The following STX8 variants were observed in gnomAD, a reference collection of about 807,000 sequenced individuals.
STX8 encodes the protein syntaxin-8.
A neutral mutation model predicts 37.5 loss-of-function variants in STX8; 23 were observed. The observed-to-expected ratio is 0.61, with a 90% CI of 0.44 to 0.87. The LOEUF (loss-of-function observed/expected upper bound fraction) is 0.87. Ranked by LOEUF, STX8 falls within the 40% of genes least tolerant of loss-of-function variation. STX8 has a pLI of 0.00. For missense variants in STX8, 313 were observed against 284.7 expected (o/e 1.10, Z -0.71); for synonymous variants, 115 against 99.1 (o/e 1.16, Z -0.95).
intron 7 of STX8, among the ~76,000 whole-genome samples, chr17:9,324,288 G>T (rs1431234910): frequency 6.6e-6 from 1 of 152,164 alleles, no homozygotes; most frequent in Non-Finnish European, 1.5e-5. Context: ...CTGCAGTGCA[G>T]TTCTTGGAAG....
chr17:9,286,372 C>T (rs1908071788), intron 7 of STX8, among the ~76,000 whole-genome samples: 1 of 152,180 alleles, frequency 6.6e-6, no homozygotes, highest in Admixed American at 6.5e-5. Flanking sequence ...GGAGACAACA[C>T]TGTCTGTTAT....
At chr17:9,335,216 T>C (rs1250399158) in intron 7 of STX8, among the ~76,000 whole-genome samples, 1 of 152,184 alleles carries the variant, frequency 6.6e-6, no homozygotes, top group East Asian at 1.9e-4. Context: ...GTTACCTGCG[T>C]CAGGAATAAA....
intron 2 of STX8, among the ~76,000 whole-genome samples, chr17:9,562,816 A>G (rs8078474): frequency 0.76 from 115,576 of 152,034 alleles, 45,008 homozygotes; most frequent in East Asian, 0.98. Context: ...GGGTGGCAAG[A>G]GTGACAACCC....
chr17:9,284,246 C>G (rs892927043), intron 7 of STX8, among the ~76,000 whole-genome samples: 1 of 152,184 alleles, frequency 6.6e-6, no homozygotes, highest in African/African-American at 2.4e-5. Context: ...CAGATATGTA[C>G]AATTGTATGG....
At chr17:9,556,136 T>C (rs560994664) in intron 3 of STX8, among the ~76,000 whole-genome samples, 4 of 152,214 alleles carry the variant, frequency 2.6e-5, no homozygotes, top group Non-Finnish European at 5.9e-5. Context: ...TAGAAAACCA[T>C]GCAACTAAGC....
chr17:9,268,698 A>G (rs1405557297), intron 7 of STX8, among the ~76,000 whole-genome samples: 1 of 152,224 alleles, frequency 6.6e-6, no homozygotes, highest in Non-Finnish European at 1.5e-5. Context: ...GTAAAAACTC[A>G]GAGCCAGAAC....
intron 7 of STX8, among the ~76,000 whole-genome samples, chr17:9,359,405 C>T (rs1028653308): frequency 1.3e-5 from 2 of 151,908 alleles, no homozygotes; most frequent in African/African-American, 4.8e-5. Context: ...GAATAGAGAG[C>T]CTGAAATCCC....
intron 6 of STX8, among the ~76,000 whole-genome samples, chr17:9,434,011 C>CTT (rs11340373): frequency 6.6e-6 from 1 of 150,572 alleles, no homozygotes; most frequent in Non-Finnish European, 1.5e-5. Flanking sequence ...ATGTCAGGAT[C>CTT]TTTTTTTTTT....
intron 4 of STX8, among the ~76,000 whole-genome samples, chr17:9,531,940 C>T (rs952545602): frequency 4.6e-5 from 7 of 152,060 alleles, no homozygotes; most frequent in Non-Finnish European, 7.4e-5. Context: ...CTGCTAACCA[C>T]GTGTGGACAG....
rs889172860 is a variant in STX8 at position 9,535,186 on chromosome 17, G to A, written c.323+9986C>T. Among the ~76,000 whole-genome samples the A allele has an allele frequency of 1.8e-4, 28 of 151,852 alleles. 1 individual carries two copies. The highest frequency in any genetic ancestry group is 6.6e-5 in the Admixed American group (1 of 15,244). ...TTCTTTATAACCTTGGTTCACTATA[G>A]TTATATATAATAATTACATAAAACT... On this transcript the variant is annotated intron_variant, in intron 4 of 7. Coordinates refer to ENST00000306357, the MANE Select transcript of STX8 (RefSeq NM_004853.3).
chr17:9,517,224 T>C (rs1371023684), intron 4 of STX8, among the ~76,000 whole-genome samples: 1 of 152,166 alleles, frequency 6.6e-6, no homozygotes, highest in Non-Finnish European at 1.5e-5. Context: ...CATTATGCAT[T>C]TGTTTGTTTT....
At chr17:9,308,089 GGGAAAAT>G (rs1408743819) in intron 7 of STX8, among the ~76,000 whole-genome samples, 2 of 152,164 alleles carry the variant, frequency 1.3e-5, no homozygotes, top group African/African-American at 4.8e-5. Context: ...AAGACCCAAG[GGGAAAAT>G]GTCCATTTTT....
At chr17:9,406,619 T>C (rs895858104) in intron 6 of STX8, among the ~76,000 whole-genome samples, 1 of 152,218 alleles carries the variant, frequency 6.6e-6, no homozygotes, top group African/African-American at 2.4e-5. Flanking sequence ...TTGATAAATT[T>C]TAACTTTGCA....
intron 7 of STX8, among the ~76,000 whole-genome samples, chr17:9,254,538 G>A (rs1292383380): frequency 6.6e-6 from 1 of 152,162 alleles, no homozygotes; most frequent in African/African-American, 2.4e-5. Flanking sequence ...GGGGATTACA[G>A]GTGCCCACCA....
At chr17:9,421,679 C>G (rs1175060547) in intron 6 of STX8, among the ~76,000 whole-genome samples, 2 of 152,066 alleles carry the variant, frequency 1.3e-5, no homozygotes, top group South Asian at 2.1e-4. Flanking sequence ...CAATCACCAC[C>G]CCTATCTAGT....
At chr17:9,548,858 C>T (rs533515485) in intron 3 of STX8, among the ~76,000 whole-genome samples, 31 of 152,214 alleles carry the variant, frequency 2.0e-4, no homozygotes, top group African/African-American at 7.5e-4. Flanking sequence ...TGTGTATATA[C>T]ACACAGAAAA....
chr17:9,440,669 C>T (rs541189374), intron 6 of STX8, among the ~76,000 whole-genome samples: 143 of 151,964 alleles, frequency 9.4e-4, no homozygotes, highest in Non-Finnish European at 1.8e-3. Flanking sequence ...GGATTGCAGG[C>T]GTGGACCACC....
chr17:9,362,848 T>A (rs569712278), intron 7 of STX8, among the ~76,000 whole-genome samples: 5,455 of 144,320 alleles, frequency 0.038, 135 homozygotes, highest in Middle Eastern at 0.086. Context: ...AAAAAATAAA[T>A]AAATAAATAA....
intron 6 of STX8, among the ~76,000 whole-genome samples, chr17:9,432,060 G>A (rs1914005126): frequency 6.6e-6 from 1 of 152,072 alleles, no homozygotes; most frequent in Non-Finnish European, 1.5e-5. Flanking sequence ...TTAAAAAGAA[G>A]TATTTGAAAA....
Sources: allele counts gnomAD v4.1 joint callset (sites outside exome capture counted in the v4.1 genomes callset), GRCh38; gene constraint gnomAD v4.1.1; transcripts MANE v1.5; gene names NCBI Gene and HGNC (gene_info 2026-07-23, HGNC 2026-07-21).